Variants in CSNK1G1 observed in about 807,000 individuals in gnomAD.
CSNK1G1 encodes casein kinase I isoform gamma-1.
In CSNK1G1, 22 loss-of-function variants were observed where a neutral mutation model predicts 59.6. That is an observed-to-expected ratio of 0.37 (90% CI 0.26 to 0.53). CSNK1G1 has a LOEUF of 0.53. Among genes scored for constraint, CSNK1G1 ranks in the 20% least tolerant of loss-of-function variants. CSNK1G1 has a pLI of 0.89. For missense variants in CSNK1G1, 384 were observed against 519.5 expected, an observed-to-expected ratio of 0.74 and a Z score of 2.54; for synonymous variants, 179 against 177.1, an observed-to-expected ratio of 1.01 and a Z score of -0.08.
chr15:64,265,899 A>G, intron 2 of CSNK1G1: 1 of 446,032 alleles, frequency 2.2e-6, no homozygotes, highest in South Asian at 1.6e-5. Context: ...GCTAAGCAAC[A>G]TATGAGACAC....
intron 2 of CSNK1G1, among the ~76,000 whole-genome samples, chr15:64,293,869 C>G (rs1238686373): frequency 6.6e-6 from 1 of 152,066 alleles, no homozygotes; most frequent in African/African-American, 2.4e-5. Context: ...ACCCCTGGTA[C>G]ATGGAAAAAT....
intron 1 of CSNK1G1, among the ~76,000 whole-genome samples, chr15:64,333,706 C>T (rs993138949): frequency 6.6e-6 from 1 of 152,040 alleles, no homozygotes; most frequent in African/African-American, 2.4e-5. Flanking sequence ...CACCTAACAC[C>T]TAAGGATTCC....
chr15:64,189,104 C>T (rs560758891), intron 10 of CSNK1G1, among the ~76,000 whole-genome samples: 9 of 152,062 alleles, frequency 5.9e-5, no homozygotes, highest in East Asian at 1.9e-4. Flanking sequence ...CCAGCCTGCG[C>T]GACAGAGCAA....
chr15:64,184,046 G>A (rs1341915949), intron 10 of CSNK1G1, among the ~76,000 whole-genome samples: 1 of 152,090 alleles, frequency 6.6e-6, no homozygotes, highest in Admixed American at 6.6e-5. Context: ...GCTCACGCCT[G>A]TAATCCCAGC....
At chr15:64,319,838 G>A (rs1310381728) in intron 1 of CSNK1G1, among the ~76,000 whole-genome samples, 2 of 149,048 alleles carry the variant, frequency 1.3e-5, no homozygotes, top group Admixed American at 6.7e-5. Context: ...GACACAAAAT[G>A]TAACACCTTT....
In CSNK1G1 at chr15:64,169,143, T is replaced by A. The variant is rs2081636103; in HGVS notation, c.*2788A>T. The A allele has an allele frequency of 6.6e-6, 1 of 152,364 alleles. No individual in the cohort carries two copies. Among genetic ancestry groups the A allele is most frequent in the African/African-American group, 2.4e-5 (1 of 41,312 alleles). The allele number at this position is 152,364 out of a possible 1,614,324, so 9.4% of individuals were successfully genotyped here. ...GTGCCTTTGCTTTTGTGTGTGTGTG[T>A]GTGGAAGCAGGGTGAGGGGCTGAAG... On this transcript the variant is annotated 3_prime_UTR_variant, in exon 12 of 12. Transcript: ENST00000303052.
At chr15:64,279,054 A>C (rs1351449135) in intron 2 of CSNK1G1, among the ~76,000 whole-genome samples, 1 of 152,234 alleles carries the variant, frequency 6.6e-6, no homozygotes, top group Non-Finnish European at 1.5e-5. Flanking sequence ...AACATCAAAA[A>C]ACAAATTTCA....
At chr15:64,269,704 G>C (rs565819508) in intron 2 of CSNK1G1, among the ~76,000 whole-genome samples, 1 of 152,262 alleles carries the variant, frequency 6.6e-6, no homozygotes, top group Admixed American at 6.5e-5. Flanking sequence ...ATGTTGGCCA[G>C]ACTGGTCTTG....
At chr15:64,193,669 C>T (rs1202154684) in intron 10 of CSNK1G1, among the ~76,000 whole-genome samples, 2 of 152,098 alleles carry the variant, frequency 1.3e-5, no homozygotes, top group East Asian at 1.9e-4. Context: ...AAATCACTGA[C>T]AACAACCTGA....
chr15:64,354,123 G>A (rs1241786649), intron 1 of CSNK1G1, among the ~76,000 whole-genome samples: 1 of 152,058 alleles, frequency 6.6e-6, no homozygotes, highest in Non-Finnish European at 1.5e-5. Context: ...GACCAACATG[G>A]TAAAACCCTC....
chr15:64,191,297 T>C (rs780146768), intron 10 of CSNK1G1, among the ~76,000 whole-genome samples: 34 of 152,266 alleles, frequency 2.2e-4, no homozygotes, highest in Non-Finnish European at 2.9e-5. Context: ...CCTGACCTCA[T>C]GATCTGCCCG....
chr15:64,194,838 C>T (rs1172431560), intron 10 of CSNK1G1, among the ~76,000 whole-genome samples: 5 of 152,248 alleles, frequency 3.3e-5, no homozygotes, highest in Admixed American at 3.3e-4. Flanking sequence ...GCTTTATGTC[C>T]TTTAAATGTA....
At chr15:64,343,235 A>ACACACACACACACACACACACACACC (rs1375118135) in intron 1 of CSNK1G1, among the ~76,000 whole-genome samples, 13 of 150,476 alleles carry the variant, frequency 8.6e-5, no homozygotes, top group Non-Finnish European at 1.3e-4. Context: ...ACACACACAC[A>ACACACACACACACACACACACACACC]CCTCTTCTAA....
chr15:64,257,709 AGACAGGGTTT>A (rs535061105), intron 3 of CSNK1G1, among the ~76,000 whole-genome samples: 2 of 152,204 alleles, frequency 1.3e-5, no homozygotes, highest in African/African-American at 4.8e-5. Context: ...TTTTTTGTAG[AGACAGGGTTT>A]TGCCTTGTTG....
chr15:64,187,445 C>A (rs2081913000), intron 10 of CSNK1G1, among the ~76,000 whole-genome samples: 1 of 152,074 alleles, frequency 6.6e-6, no homozygotes, highest in Non-Finnish European at 1.5e-5. Flanking sequence ...AGTGATCCAC[C>A]TGCTTTGGCC....
rs989559782 is a variant in CSNK1G1, at chr15:64,210,525, A to T, written c.680-2931T>A. 5.3e-5 allele frequency among the ~76,000 whole-genome samples: 8 copies of T among 152,182 alleles called. No homozygotes were observed. The highest frequency in any genetic ancestry group is 1.9e-4 in the African/African-American group (8 of 41,448). On this transcript the variant is annotated intron_variant, in intron 6 of 11. Coordinates refer to ENST00000303052, the MANE Select transcript of CSNK1G1 (RefSeq NM_022048.5). The surrounding 1 kb of genome is among the most constrained non-coding windows in gnomAD (Gnocchi z 4.2). ...ATACCAGTGAGACCAGCAGGACACA[A>T]AATTCTTCAATTCTTCTGATTGGTT...
At chr15:64,349,376 T>C (rs972133654) in intron 1 of CSNK1G1, among the ~76,000 whole-genome samples, 2 of 152,052 alleles carry the variant, frequency 1.3e-5, no homozygotes, top group African/African-American at 2.4e-5. Context: ...TCACCCGACA[T>C]CTCTGGACAA....
intron 6 of CSNK1G1, among the ~76,000 whole-genome samples, chr15:64,212,224 C>T (rs1461682748): frequency 6.6e-6 from 1 of 152,314 alleles, no homozygotes; most frequent in South Asian, 2.1e-4. Flanking sequence ...TAAAGTATTA[C>T]ATTTACTTAA....
At chr15:64,297,550 T>TA (rs920917283) in intron 2 of CSNK1G1, among the ~76,000 whole-genome samples, 6 of 151,712 alleles carry the variant, frequency 4.0e-5, no homozygotes, top group Non-Finnish European at 7.4e-5. Context: ...CATTTAAAAA[T>TA]AAAAAAATTA....
Sources: allele counts gnomAD v4.1 joint callset (sites outside exome capture counted in the v4.1 genomes callset), GRCh38; gene constraint gnomAD v4.1.1; non-coding constraint Gnocchi (gnomAD v3.1); transcripts MANE v1.5; gene names NCBI Gene and HGNC (gene_info 2026-07-23, HGNC 2026-07-21).